Variants in DLGAP4 observed in about 807,000 individuals in gnomAD.
DLGAP4 encodes the protein DLG associated protein 4.
In DLGAP4, 18 loss-of-function variants were observed where a neutral mutation model predicts 86.9. The ratio of observed to expected loss-of-function variants is 0.21; its 90% CI spans 0.14 to 0.31. The LOEUF (loss-of-function observed/expected upper bound fraction) is 0.31. Among genes scored for constraint, DLGAP4 ranks in the 10% least tolerant of loss-of-function variants. The pLI is 1.00. For synonymous variants in DLGAP4, 548 were observed against 574.3 expected, an observed-to-expected ratio of 0.95 and a Z score of 0.65; for missense variants, 1,085 against 1,362.6, an observed-to-expected ratio of 0.80 and a Z score of 3.21.
chr20:36,467,034 CT>C (rs2034422638), intron 7 of DLGAP4, among the ~76,000 whole-genome samples: 2 of 124,290 alleles, frequency 1.6e-5, no homozygotes, highest in Non-Finnish European at 3.2e-5. Context: ...CTCTCTCTCT[CT>C]CTCTCTCTCT....
chr20:36,365,862 C>T lies in DLGAP4; in HGVS notation c.-303-1183C>T, dbSNP rs1238339797. On this transcript the variant is annotated intron_variant, in intron 1 of 12. Coordinates refer to ENST00000339266, the MANE Select transcript of DLGAP4 (RefSeq NM_001365621.2). Reference sequence around the variant, plus strand: ...AGCCCCCTAGACCTGGACCTCTCCTCTCAGGGCTCAGACGTGGAAAGCCTG... The same window carrying T: ...AGCCCCCTAGACCTGGACCTCTCCTTTCAGGGCTCAGACGTGGAAAGCCTG... Among the ~76,000 whole-genome samples, 9 of 152,302 alleles carry T rather than the reference C, an allele frequency of 5.9e-5. No individual in the cohort carries two copies. The East Asian group carries it at 1.7e-3, about 29-fold the overall frequency.
At chr20:36,449,899 T>C (rs1446985859) in intron 7 of DLGAP4, among the ~76,000 whole-genome samples, 1 of 152,248 alleles carries the variant, frequency 6.6e-6, no homozygotes, top group African/African-American at 2.4e-5. Flanking sequence ...CCCAAGTTTG[T>C]CAGTTGGGAC....
chr20:36,307,428 C>A (rs190006105), intron 1 of DLGAP4, among the ~76,000 whole-genome samples: 1 of 152,326 alleles, frequency 6.6e-6, no homozygotes, highest in East Asian at 1.9e-4. Context: ...TCCATCCCTC[C>A]ATCCCTCCAT....
chr20:36,347,040 CT>C (rs2029966138), intron 1 of DLGAP4, among the ~76,000 whole-genome samples: 1 of 152,206 alleles, frequency 6.6e-6, no homozygotes, highest in Admixed American at 6.5e-5. Flanking sequence ...TCTTTTCCTC[CT>C]TCCTGAAGCT....
chr20:36,343,429 G>C (rs1195661359), intron 1 of DLGAP4, among the ~76,000 whole-genome samples: 1 of 152,178 alleles, frequency 6.6e-6, no homozygotes, highest in Non-Finnish European at 1.5e-5. Flanking sequence ...GTGTTTCACA[G>C]AGTCAGTGCC....
At chr20:36,490,976 C>T (rs541079472) in intron 7 of DLGAP4, among the ~76,000 whole-genome samples, 17 of 149,512 alleles carry the variant, frequency 1.1e-4, no homozygotes, top group Non-Finnish European at 1.9e-4. Flanking sequence ...GGGCGGATCA[C>T]GAGGTCAAGA....
rs531878607 is a variant in DLGAP4, at chr20:36,350,612, G to C, written c.-303-16433G>C. On this transcript the variant is annotated intron_variant, in intron 1 of 12. Coordinates refer to ENST00000339266, the MANE Select transcript of DLGAP4 (RefSeq NM_001365621.2). The surrounding 1 kb of genome is among the most constrained non-coding windows in gnomAD (Gnocchi z 4.4). ...TGACAAGGGCATGCCCTCTGTACCAGGGCAGCAGGTGGGGAAGGGGCCTAT... is the reference window on the plus strand; with the variant it reads ...TGACAAGGGCATGCCCTCTGTACCACGGCAGCAGGTGGGGAAGGGGCCTAT... Among the ~76,000 whole-genome samples, 13 of 152,356 alleles carry C rather than the reference G, an allele frequency of 8.5e-5. No individual in the cohort carries two copies. In the East Asian group the frequency reaches 2.1e-3, roughly 25 times the overall value.
chr20:36,356,343 G>C (rs560830891), intron 1 of DLGAP4, among the ~76,000 whole-genome samples: 1 of 152,068 alleles, frequency 6.6e-6, no homozygotes, highest in Non-Finnish European at 1.5e-5. Context: ...ACGGAGTCTC[G>C]CTCTGTCACC....
Position 36,526,681 on chromosome 20 carries a change from T to C in DLGAP4, c.2761-132T>C, listed in dbSNP as rs972045198. 26 of 783,018 alleles carry C rather than the reference T, an allele frequency of 3.3e-5. 1 individual carries two copies. Among genetic ancestry groups the C allele is most frequent in the Non-Finnish European group, 4.6e-5 (23 of 495,598 alleles). 48.5% of individuals were successfully genotyped at this position (783,018 alleles called of 1,614,324 possible). On this transcript the variant is annotated intron_variant, in intron 12 of 12. Transcript: ENST00000339266. ...CTTCTCGTGGCTTCCTGATTCCAAG[T>C]GTGTGTTGCTTGTGCCCGATGCGGG...
intron 7 of DLGAP4, among the ~76,000 whole-genome samples, chr20:36,457,838 A>T (rs1654534089): frequency 6.6e-6 from 1 of 151,054 alleles, no homozygotes; most frequent in Non-Finnish European, 1.5e-5. Flanking sequence ...GGATTTCACC[A>T]TGTTGGCCAG....
chr20:36,489,791 G>A (rs374109830), intron 7 of DLGAP4, among the ~76,000 whole-genome samples: 32 of 152,064 alleles, frequency 2.1e-4, no homozygotes, highest in Admixed American at 1.0e-3. Context: ...GGATGCTGCC[G>A]TGAGAGGGGC....
Position 36,365,876 on chromosome 20 carries a change from G to C in DLGAP4, c.-303-1169G>C, listed in dbSNP as rs61361327. On this transcript the variant is annotated intron_variant, in intron 1 of 12. Coordinates refer to ENST00000339266, the MANE Select transcript of DLGAP4 (RefSeq NM_001365621.2). ...GGACCTCTCCTCTCAGGGCTCAGAC[G>C]TGGAAAGCCTGAGTTCAAATCCCGA... is the stretch of plus-strand genomic sequence containing the variant. Among the ~76,000 whole-genome samples the C allele has an allele frequency of 1.6e-4, 25 of 152,284 alleles. No individual in the cohort carries two copies. In the East Asian group the frequency reaches 4.6e-3, roughly 28 times the overall value.
chr20:36,351,362 C>T (rs536790558), intron 1 of DLGAP4, among the ~76,000 whole-genome samples: 1 of 152,180 alleles, frequency 6.6e-6, no homozygotes, highest in Non-Finnish European at 1.5e-5. Flanking sequence ...TTAGATCCAC[C>T]TCCTGTTAGA....
chr20:36,515,889 GTTTA>G (rs1313616889), intron 10 of DLGAP4, among the ~76,000 whole-genome samples: 1 of 152,238 alleles, frequency 6.6e-6, no homozygotes, highest in African/African-American at 2.4e-5. Context: ...AAACAAGACT[GTTTA>G]TTTCATTCTC....
chr20:36,405,241 T>G (rs1317873921), intron 2 of DLGAP4, among the ~76,000 whole-genome samples: 1 of 152,172 alleles, frequency 6.6e-6, no homozygotes, highest in South Asian at 2.1e-4. Context: ...GACTCTGGAT[T>G]TAAACGGCCT....
At chr20:36,514,611 G>A (rs545148270) in intron 10 of DLGAP4, among the ~76,000 whole-genome samples, 6 of 152,018 alleles carry the variant, frequency 3.9e-5, no homozygotes, top group East Asian at 1.9e-4. Context: ...ATGCAATCTC[G>A]CTTTGTTGCC....
chr20:36,483,712 G>A (rs1344378441), intron 7 of DLGAP4, among the ~76,000 whole-genome samples: 1 of 152,194 alleles, frequency 6.6e-6, no homozygotes, highest in Non-Finnish European at 1.5e-5. Context: ...GGTGTTCCTG[G>A]TGAGAGAGTC....
At chr20:36,375,726 G>C (rs1487292250) in intron 2 of DLGAP4, among the ~76,000 whole-genome samples, 1 of 152,150 alleles carries the variant, frequency 6.6e-6, no homozygotes, top group African/African-American at 2.4e-5. Context: ...GGGGCTCTCT[G>C]AAGATCTCAC....
chr20:36,446,836 C>G lies in DLGAP4; in HGVS notation c.1547C>G (p.Ala516Gly). The G allele has an allele frequency of 6.2e-7, 1 of 1,613,082 alleles. No homozygotes were observed. The highest frequency in any genetic ancestry group is 8.5e-7 in the Non-Finnish European group (1 of 1,179,844). ...FRSRSHSYLR[A>G]IQAGCSQEED... ...TCCCGCAGCCACAGCTACCTGCGTG[C>G]CATCCAGGCAGGCTGCTCGCAGGAG... The change falls in exon 7 of 13, where the codon GCC (alanine) becomes GGC (glycine). Residue 516 changes from alanine to glycine, a missense_variant. By Grantham distance (60) the Ala-to-Gly change is moderately conservative. Coordinates refer to ENST00000339266, the MANE Select transcript of DLGAP4 (RefSeq NM_001365621.2).
Sources: gnomAD v4.1 joint callset for allele counts (sites outside exome capture counted in the v4.1 genomes callset) on GRCh38, gnomAD v4.1.1 for gene constraint, Gnocchi (gnomAD v3.1) non-coding constraint, MANE v1.5 for transcripts, NCBI Gene and HGNC (gene_info 2026-07-23, HGNC 2026-07-21) for gene names.